Variants in MAPK9 observed in about 807,000 individuals in gnomAD.
MAPK9 encodes Jun kinase.
MAPK9 carries 30 observed loss-of-function variants against 57.1 expected under a neutral mutation model. That is an observed-to-expected ratio of 0.53 (90% CI 0.39 to 0.71). The LOEUF is 0.71. Ranked by LOEUF, MAPK9 falls within the 30% of genes least tolerant of loss-of-function variation. The pLI is 0.00. For synonymous variants in MAPK9, 155 were observed against 177.0 expected (o/e 0.88, Z 0.99); for missense variants, 362 against 521.0 (o/e 0.69, Z 2.97).
intron 5 of MAPK9, among the ~76,000 whole-genome samples, chr5:180,251,717 C>T (rs919481766): frequency 9.9e-6 from 1 of 101,318 alleles, no homozygotes; most frequent in Non-Finnish European, 2.3e-5. Context: ...AAGACAAATG[C>T]CAAGTACAGA....
intron 1 of MAPK9, among the ~76,000 whole-genome samples, chr5:180,290,058 C>T (rs1763097293): frequency 6.6e-6 from 1 of 152,032 alleles, no homozygotes; most frequent in Non-Finnish European, 1.5e-5. Context: ...GATCTCGCTA[C>T]GTTGCCCAGG....
rs1279227843 is a variant in MAPK9 at position 180,278,930 on chromosome 5, T to C, written c.122+1510A>G. Among the ~76,000 whole-genome samples the C allele has an allele frequency of 2.6e-5, 4 of 152,216 alleles. No individual in the cohort carries two copies. In the Middle Eastern group the frequency reaches 0.01, roughly 388 times the overall value. ...TCCATTACCATCAAAGTTTCCTAAT[T>C]TGAACCATCCTCCACTAACTTTAAA... On this transcript the variant is annotated intron_variant, in intron 2 of 11. Coordinates refer to ENST00000452135, the MANE Select transcript of MAPK9 (RefSeq NM_002752.5).
chr5:180,237,738 C>T (rs1757288635), intron 11 of MAPK9: 1 of 152,274 alleles, frequency 6.6e-6, no homozygotes, highest in African/African-American at 2.4e-5. Context: ...CATCCACCAC[C>T]ACCACCACTA....
At chr5:180,263,786 A>C (rs1303039874) in intron 4 of MAPK9, among the ~76,000 whole-genome samples, 3 of 149,818 alleles carry the variant, frequency 2.0e-5, no homozygotes, top group African/African-American at 7.4e-5. Flanking sequence ...GCTCACTGCA[A>C]GCTCCACCTC....
At chr5:180,280,665 C>G in intron 1 of MAPK9, 57 bp from the exon 2 acceptor site, 1 of 1,374,994 alleles carries the variant, frequency 7.3e-7, no homozygotes, top group East Asian at 2.4e-5. Context: ...ACGCAGCTCA[C>G]GTAAGAGAGT....
chr5:180,253,482 G>A (rs1213164891), intron 5 of MAPK9: 1 of 152,380 alleles, frequency 6.6e-6, no homozygotes, highest in Non-Finnish European at 1.5e-5. Context: ...AGGTGCTATG[G>A]AGGCAGAAGA....
At chr5:180,286,246 C>T (rs1387493360) in intron 1 of MAPK9, among the ~76,000 whole-genome samples, 2 of 142,410 alleles carry the variant, frequency 1.4e-5, no homozygotes, top group East Asian at 2.7e-4. Flanking sequence ...CCCAGGTTCA[C>T]GCCATTCTCC....
At chr5:180,240,713 T>G (rs1428175337) in intron 9 of MAPK9, among the ~76,000 whole-genome samples, 1 of 152,224 alleles carries the variant, frequency 6.6e-6, no homozygotes, top group African/African-American at 2.4e-5. Context: ...TCTGGTTAAG[T>G]GGCCTAAACA....
At chr5:180,266,506 G>A (rs376555264) in intron 3 of MAPK9, among the ~76,000 whole-genome samples, 3 of 151,828 alleles carry the variant, frequency 2.0e-5, no homozygotes, top group African/African-American at 2.4e-5. Flanking sequence ...GTAGAGACGG[G>A]GTTTCACCAC....
chr5:180,258,241 G>C (rs1014947237), intron 5 of MAPK9: 1 of 152,234 alleles, frequency 6.6e-6, no homozygotes, highest in Non-Finnish European at 1.5e-5. Context: ...TCAGAAATGT[G>C]AGAAAGCCTT....
At chr5:180,272,262 A>G (rs1761400703) in intron 2 of MAPK9, among the ~76,000 whole-genome samples, 1 of 152,228 alleles carries the variant, frequency 6.6e-6, no homozygotes. Context: ...TGCATGGAAG[A>G]TAGATGGTAT....
intron 2 of MAPK9, chr5:180,279,866 C>G: frequency 2.2e-6 from 1 of 456,636 alleles, no homozygotes. Context: ...CAGGGTCAGA[C>G]TAACGATTCT....
chr5:180,265,760 A>G (rs1246372729), intron 3 of MAPK9, among the ~76,000 whole-genome samples: 1 of 152,184 alleles, frequency 6.6e-6, no homozygotes, highest in Non-Finnish European at 1.5e-5. Context: ...GTCATTCCAG[A>G]TGACTGAGGG....
At chr5:180,241,343 C>T (rs533995301) in intron 8 of MAPK9, among the ~76,000 whole-genome samples, 188 bp from the exon 9 acceptor site, 4 of 149,752 alleles carry the variant, frequency 2.7e-5, no homozygotes, top group African/African-American at 4.9e-5. Context: ...CTCGCTCTGT[C>T]GCCCAATGCA....
chr5:180,282,785 G>A (rs1439487925), intron 1 of MAPK9, among the ~76,000 whole-genome samples: 3 of 152,204 alleles, frequency 2.0e-5, no homozygotes, highest in Admixed American at 6.5e-5. Flanking sequence ...CACCCGCTGT[G>A]GATGGTGAGG....
intron 3 of MAPK9, among the ~76,000 whole-genome samples, chr5:180,266,654 T>A (rs1480365160): frequency 6.6e-6 from 1 of 151,874 alleles, no homozygotes; most frequent in Non-Finnish European, 1.5e-5. Context: ...GGTCTTGTTT[T>A]GTTGCCCAGG....
intron 8 of MAPK9, 128 bp downstream of exon 8, chr5:180,242,445 G>T: frequency 1.3e-6 from 1 of 794,688 alleles, no homozygotes. Flanking sequence ...CAGTGCCTTC[G>T]TACCTCAGAC....
At chr5:180,274,052 G>T (rs955574017) in intron 2 of MAPK9, among the ~76,000 whole-genome samples, 2 of 152,078 alleles carry the variant, frequency 1.3e-5, no homozygotes, top group Admixed American at 6.6e-5. Context: ...GACCTTCATG[G>T]TATTAAATAT....
At chr5:180,276,236 C>T (rs1386251391) in intron 2 of MAPK9, among the ~76,000 whole-genome samples, 2 of 152,148 alleles carry the variant, frequency 1.3e-5, no homozygotes, top group East Asian at 3.9e-4. Flanking sequence ...GGCCAGTACT[C>T]ATGTTTATAC....
Sources: allele counts gnomAD v4.1 joint callset (sites outside exome capture counted in the v4.1 genomes callset), GRCh38; gene constraint gnomAD v4.1.1; transcripts MANE v1.5; gene names NCBI Gene and HGNC (gene_info 2026-07-23, HGNC 2026-07-21).